The following ITGA10 variants were observed in gnomAD, a reference collection of about 807,000 sequenced individuals.
ITGA10 encodes integrin alpha-10.
A neutral mutation model predicts 145.2 loss-of-function variants in ITGA10; 105 were observed. That is an observed-to-expected ratio of 0.72 (90% confidence interval 0.62 to 0.85). The LOEUF (loss-of-function observed/expected upper bound fraction) is 0.85. Among genes scored for constraint, ITGA10 ranks in the 40% least tolerant of loss-of-function variants. The pLI is 0.00. For missense variants in ITGA10, 1,317 were observed against 1,444.5 expected, an observed-to-expected ratio of 0.91 and a Z score of 1.43; for synonymous variants, 506 against 557.8, an observed-to-expected ratio of 0.91 and a Z score of 1.31.
chr1:145,893,541 T>C lies in ITGA10; in HGVS notation c.3323A>G (p.Glu1108Gly), dbSNP rs587761068. 2.5e-6 allele frequency: 4 copies of C among 1,608,766 alleles called. No homozygotes were observed. In the South Asian group the frequency reaches 3.3e-5, roughly 13 times the overall value. Residue 1108 changes from glutamate to glycine, a missense_variant and splice_region_variant, in exon 28 of 30, where the codon GAG becomes GGG. By Grantham distance (98) the Glu-to-Gly change is moderately conservative. Coordinates refer to ENST00000369304, the MANE Select transcript of ITGA10 (RefSeq NM_003637.5). ...CTCAGACTCGGTCTCCAGCCCTACC[T>C]CACTCCAACGGGAGGCTTCAGTCAG... ...LQLTEASRWS[E>G]SLLEVVQTRP...
In ITGA10 at chr1:145,896,786, G is replaced by A; in HGVS notation, c.2817C>T (p.Pro939=). 2 of 1,613,810 alleles carry A rather than the reference G, an allele frequency of 1.2e-6. No individual in the cohort carries two copies. Among genetic ancestry groups the A allele is most frequent in the Non-Finnish European group, 1.7e-6 (2 of 1,179,778 alleles). ...AQTSAYIQYE[P]HLLFSSESTL... is the part of the protein sequence containing the mutation. ...GGGCATACCTAGAGAACAGGAGGTGGGGCTCATATTGGATGTAGGCTGAGG... is the reference window on the plus strand; with the variant it reads ...GGGCATACCTAGAGAACAGGAGGTGAGGCTCATATTGGATGTAGGCTGAGG... Residue 939 remains proline (P), a synonymous_variant, in exon 23 of 30, where the codon CCC becomes CCT. Transcript: ENST00000369304.
chr1:145,902,405 C>T, intron 9 of ITGA10, 49 bp downstream of exon 9: 4 of 1,609,664 alleles, frequency 2.5e-6, no homozygotes, highest in Non-Finnish European at 3.4e-6. Context: ...GCCCCACCTA[C>T]ACTCCAGAAC....
At position 145,902,621 on chromosome 1, in the gene ITGA10, T is replaced by G. The variant is rs1484199493; in HGVS notation, c.910-2A>C. Reference sequence around the variant, plus strand: ...CCGCCGGAGGTAGTGACCAAGGACCTAAGAGGTCATAAGATCAAGGAATGA... The same window carrying G: ...CCGCCGGAGGTAGTGACCAAGGACCGAAGAGGTCATAAGATCAAGGAATGA... On this transcript the variant is annotated splice_acceptor_variant, in intron 8 of 29. Transcript: ENST00000369304. LOFTEE classifies it high-confidence loss of function. 6.3e-7 allele frequency: 1 copy of G among 1,591,734 alleles called. No homozygotes were observed. The highest frequency in any genetic ancestry group is 8.5e-7 in the Non-Finnish European group (1 of 1,170,862).
intron 15 of ITGA10, 39 bp from the exon 16 acceptor site, chr1:145,899,380 G>T: frequency 6.9e-6 from 11 of 1,599,660 alleles, no homozygotes; most frequent in Non-Finnish European, 9.4e-6. Flanking sequence ...GCAGTAGGAG[G>T]TAAGCCCTCT....
rs925476351 is a variant in ITGA10, at chr1:145,909,508, T to C, written c.52+455A>G. Among the ~76,000 whole-genome samples, 98 of 132,516 alleles carry C rather than the reference T, an allele frequency of 7.4e-4. 1 individual carries two copies. Among genetic ancestry groups the C allele is most frequent in the African/African-American group, 2.5e-3 (82 of 32,518 alleles). The allele number at this position is 132,516 out of a possible 152,430, so 86.9% of individuals were successfully genotyped here. ...TTATATATAATATATAATTATGTTATATATTATATGTATATTATATATAAT... is the reference window on the plus strand; with the variant it reads ...TTATATATAATATATAATTATGTTACATATTATATGTATATTATATATAAT... On this transcript the variant is annotated intron_variant, in intron 1 of 29. Transcript: ENST00000369304.
In ITGA10 at chr1:145,907,441, T is replaced by C. The variant is rs1434679575; in HGVS notation, c.77A>G (p.Asp26Gly). Residue 26 changes from aspartate to glycine, a missense_variant, in exon 2 of 30, where the codon GAT (aspartate) becomes GGT (glycine). Coordinates refer to ENST00000369304, the MANE Select transcript of ITGA10 (RefSeq NM_003637.5). The stretch of plus-strand genomic sequence containing the variant: ...TGGGAATAGGCGTGGGTGATGTTCA[T>C]CCAGGTTAAAGGGGGAGCAGAGACC... ...LTGLCSPFNL[D>G]EHHPRLFPGP... 33 of 1,614,022 alleles carry C rather than the reference T, an allele frequency of 2.0e-5. No individual in the cohort carries two copies. The Admixed American group carries it at 5.2e-4, about 25-fold the overall frequency.
chr1:145,903,932 G>A lies in ITGA10; in HGVS notation c.758+120C>T, dbSNP rs782116827. Reference sequence around the variant, plus strand: ...TCGAACTCCTGACCTCAGGTGATCCGCCTGCCTTGCCTCCCAAAGTGCTGG... The same window carrying A: ...TCGAACTCCTGACCTCAGGTGATCCACCTGCCTTGCCTCCCAAAGTGCTGG... On this transcript the variant is annotated intron_variant, in intron 7 of 29. Transcript: ENST00000369304. The A allele has an allele frequency of 7.9e-5, 87 of 1,105,044 alleles. No homozygotes were observed. In the East Asian group the frequency reaches 1.5e-3, roughly 19 times the overall value. 68.5% of individuals were successfully genotyped at this position (1,105,044 alleles called of 1,614,324 possible).
rs782735073 is a variant in ITGA10, at chr1:145,899,336, C to T, written c.1928G>A (p.Arg643Gln). 5.6e-6 allele frequency: 9 copies of T among 1,613,712 alleles called. No individual in the cohort carries two copies. Among genetic ancestry groups the T allele is most frequent in the South Asian group, 1.1e-5 (1 of 91,064 alleles). Residue 643 changes from arginine to glutamine, a missense_variant, in exon 16 of 30, where the codon CGG (arginine) becomes CAG (glutamine). Arg to Gln is a conservative substitution (Grantham distance 43). Coordinates refer to ENST00000369304, the MANE Select transcript of ITGA10 (RefSeq NM_003637.5). ...TGATGGGGTCAGATGGACAATGGGC[C>T]GGGAGCTGGGAACAGTGTGGAAAAG... The part of the protein sequence containing the change: ...AQGAAILLSS[R>Q]PIVHLTPSLE...
At position 145,897,511 on chromosome 1, in the gene ITGA10, C is replaced by T; in HGVS notation, c.2574+1G>A. ...TCCCACACCCCCTCCTCCAAAGGCA[C>T]CTGAGGAGTGAGACTGGCCAGGTGG... On this transcript the variant is annotated splice_donor_variant, in intron 20 of 29. Transcript: ENST00000369304. LOFTEE classifies it high-confidence loss of function. 1 of 1,614,000 alleles carries T rather than the reference C, an allele frequency of 6.2e-7. No individual in the cohort carries two copies. Among genetic ancestry groups the T allele is most frequent in the Non-Finnish European group, 8.5e-7 (1 of 1,179,924 alleles).
Position 145,892,597 on chromosome 1 carries a change from G to A in ITGA10, c.*201C>T. 1 of 483,704 alleles carries A rather than the reference G, an allele frequency of 2.1e-6. No homozygotes were observed. The highest frequency in any genetic ancestry group is 3.7e-6 in the Non-Finnish European group (1 of 272,984). 30.0% of individuals were successfully genotyped at this position (483,704 alleles called of 1,614,324 possible). On this transcript the variant is annotated 3_prime_UTR_variant, in exon 30 of 30. Coordinates refer to ENST00000369304, the MANE Select transcript of ITGA10 (RefSeq NM_003637.5). ...AGAGGGTGGGAGCATGGCTAGTTTT[G>A]GTGCCAGCTCTTCTTGTCTGAGGTA...
At chr1:145,897,373 C>G (rs1215384853) in intron 20 of ITGA10, 34 bp from the exon 21 acceptor site, 2 of 1,610,716 alleles carry the variant, frequency 1.2e-6, no homozygotes, top group South Asian at 2.2e-5. Context: ...GAAGCTGGAG[C>G]TGGGGCTGCA....
intron 21 of ITGA10, 28 bp downstream of exon 21, chr1:145,897,219 C>G (rs781799508): frequency 2.5e-6 from 4 of 1,608,696 alleles, no homozygotes; most frequent in Non-Finnish European, 3.4e-6. Flanking sequence ...CTCCTAGAGC[C>G]CTCTTTTCAT....
At chr1:145,902,344 C>T in intron 9 of ITGA10, 25 bp from the exon 10 acceptor site, 5 of 1,613,202 alleles carry the variant, frequency 3.1e-6, no homozygotes, top group Non-Finnish European at 4.2e-6. Flanking sequence ...AACATTGAGA[C>T]AATATCAGGG....
chr1:145,902,028 G>A lies in ITGA10; in HGVS notation c.1150-7C>T. 6.2e-7 allele frequency: 1 copy of A among 1,614,014 alleles called. No homozygotes were observed. On this transcript the variant is annotated splice_region_variant and splice_polypyrimidine_tract_variant and intron_variant, in intron 10 of 29. Coordinates refer to ENST00000369304, the MANE Select transcript of ITGA10 (RefSeq NM_003637.5). ...TCCCAAAAAGAATCCCATCCTGTGG[G>A]ACAGAAGCAGATGGGGTCACTGAGA...
intron 3 of ITGA10, 107 bp downstream of exon 3, chr1:145,906,933 CA>C (rs1360577364): frequency 5.2e-6 from 6 of 1,143,806 alleles, no homozygotes; most frequent in Non-Finnish European, 7.7e-6. Context: ...AGATTGGGGA[CA>C]GGGAGTATGC....
intron 1 of ITGA10, among the ~76,000 whole-genome samples, chr1:145,908,457 C>T (rs1176468644): frequency 1.3e-5 from 2 of 152,144 alleles, no homozygotes; most frequent in Non-Finnish European, 2.9e-5. Context: ...TCTACTCTCC[C>T]AACTGGTCCC....
rs1553750497 is a variant in ITGA10 at position 145,904,704 on chromosome 1, T to A, written c.589A>T (p.Ile197Phe). ...FLRRLVGKLF[I>F]DPEQIQVGLV... ...CTTACCTGTATCTGTTCTGGGTCAA[T>A]AAACAGTTTCCCTACCAGTCTTCGT... Residue 197 changes from isoleucine to phenylalanine, a missense_variant, in exon 6 of 30, where the codon ATT becomes TTT. Transcript: ENST00000369304. 1 of 1,613,992 alleles carries A rather than the reference T, an allele frequency of 6.2e-7. No individual in the cohort carries two copies.
rs1656246485 is a variant in ITGA10 at position 145,901,065 on chromosome 1, C to T, written c.1587+70G>A. ...CTCTCAGCAAACCCTCAAATATGTG[C>T]ACCTTCCCTCCTTTCCTCCCTCCAC... On this transcript the variant is annotated intron_variant, in intron 13 of 29. Transcript: ENST00000369304. This position sits in a 1 kb window ranked among gnomAD's most constrained non-coding sequence, Gnocchi z 4.3. 1.2e-6 allele frequency: 2 copies of T among 1,612,672 alleles called. No individual in the cohort carries two copies. The highest frequency in any genetic ancestry group is 1.7e-6 in the Non-Finnish European group (2 of 1,178,976).
chr1:145,894,360 T>C (rs1385146028), intron 27 of ITGA10, among the ~76,000 whole-genome samples: 2 of 152,120 alleles, frequency 1.3e-5, no homozygotes, highest in African/African-American at 4.8e-5. Context: ...TCTGCCCACC[T>C]TGGCCTCCCA....
Sources: allele counts gnomAD v4.1 joint callset (sites outside exome capture counted in the v4.1 genomes callset), GRCh38; gene constraint gnomAD v4.1.1; non-coding constraint Gnocchi (gnomAD v3.1); transcripts MANE v1.5; gene names NCBI Gene and HGNC (gene_info 2026-07-23, HGNC 2026-07-21).